The following LAMA3 variants were observed in gnomAD, a reference collection of about 807,000 sequenced individuals.
The protein encoded by LAMA3 is laminin subunit alpha-3.
Under a neutral mutation model 402.0 loss-of-function variants are expected in LAMA3, and 281 were observed. That is an observed-to-expected ratio of 0.70 (90% CI 0.63 to 0.77). The LOEUF (loss-of-function observed/expected upper bound fraction) is 0.77, where lower values mean the gene tolerates loss of function less well. Among genes scored for constraint, LAMA3 ranks in the 30% least tolerant of loss-of-function variants. The pLI, the probability that LAMA3 is intolerant of heterozygous loss-of-function variation, is 0.00. For missense variants in LAMA3, 3,840 were observed against 4,215.5 expected (o/e 0.91, Z 2.47); for synonymous variants, 1,431 against 1,558.4 (o/e 0.92, Z 1.93).
chr18:23,906,447 T>A (rs2081251870), intron 52 of LAMA3, among the ~76,000 whole-genome samples: 1 of 152,212 alleles, frequency 6.6e-6, no homozygotes, highest in Non-Finnish European at 1.5e-5. Context: ...CTTATTTTTT[T>A]AAATAATTAA....
intron 1 of LAMA3, among the ~76,000 whole-genome samples, chr18:23,702,710 C>T (rs2060813049): frequency 1.1e-5 from 1 of 95,156 alleles, no homozygotes; most frequent in East Asian, 2.0e-4. Flanking sequence ...CTGGCCAAGC[C>T]CAAATCTCTG....
chr18:23,815,200 A>G lies in LAMA3; in HGVS notation c.1901A>G (p.His634Arg), dbSNP rs186443546. Residue 634 changes from histidine to arginine, a missense_variant, in exon 16 of 75, where the codon CAT (histidine) becomes CGT (arginine). Physicochemically the swap from His to Arg is conservative, Grantham distance 29. Transcript: ENST00000313654. The stretch of plus-strand genomic sequence containing the variant: ...CTTATCTCCACAGAATGCAAGTGCC[A>G]TAAGGCGGGAACAGTGAGTGGAACT... ...NPSGCSECKC[H>R]KAGTVSGTGE... is the part of the protein sequence containing the mutation. 647 of 1,614,196 alleles carry G rather than the reference A, an allele frequency of 4.0e-4. 3 individuals carry two copies. The African/African-American group carries it at 7.5e-3, about 19-fold the overall frequency.
chr18:23,778,939 G>A (rs1229503560), intron 11 of LAMA3, among the ~76,000 whole-genome samples: 1 of 152,222 alleles, frequency 6.6e-6, no homozygotes, highest in Non-Finnish European at 1.5e-5. Flanking sequence ...CAGAGAGGAG[G>A]TTAGGGAATG....
At chr18:23,912,235 G>C (rs1560279) in intron 55 of LAMA3, among the ~76,000 whole-genome samples, 6,734 of 150,580 alleles carry the variant, frequency 0.045, 370 homozygotes, top group Admixed American at 0.16. Flanking sequence ...CTGAGCTCAA[G>C]TGATCCTCCC....
chr18:23,921,814 A>C (rs921255378), intron 62 of LAMA3, among the ~76,000 whole-genome samples: 1 of 152,224 alleles, frequency 6.6e-6, no homozygotes, highest in Non-Finnish European at 1.5e-5. Flanking sequence ...CGCCATTGTC[A>C]TTCTCGGGAG....
intron 2 of LAMA3, among the ~76,000 whole-genome samples, chr18:23,724,469 A>G (rs962292892): frequency 6.6e-6 from 1 of 152,018 alleles, no homozygotes; most frequent in African/African-American, 2.4e-5. Flanking sequence ...GATGCCCTCC[A>G]TGCCCTATCT....
chr18:23,689,527 C>A lies in LAMA3; in HGVS notation c.-157C>A. 1 of 670,652 alleles carries A rather than the reference C, an allele frequency of 1.5e-6. No homozygotes were observed. Among genetic ancestry groups the A allele is most frequent in the Non-Finnish European group, 2.1e-6 (1 of 481,592 alleles). 41.5% of individuals were successfully genotyped at this position (670,652 alleles called of 1,614,324 possible). A position where few individuals can be genotyped will look rare whatever the true frequency, so the allele number is the denominator to read the frequency against. On this transcript the variant is annotated 5_prime_UTR_variant, in exon 1 of 75. Transcript: ENST00000313654. ...TGAGAGGCCACCCCCACGCCGCGGGCTTCCAGCGCGTGGAGCAAGGGGAGC... is the reference window on the plus strand; with the variant it reads ...TGAGAGGCCACCCCCACGCCGCGGGATTCCAGCGCGTGGAGCAAGGGGAGC...
At chr18:23,700,879 G>A (rs1016380186) in intron 1 of LAMA3, among the ~76,000 whole-genome samples, 2 of 151,976 alleles carry the variant, frequency 1.3e-5, no homozygotes, top group African/African-American at 4.8e-5. Flanking sequence ...TGCAGTTTTT[G>A]TAGAGTTGGT....
chr18:23,771,678 C>T lies in LAMA3; in HGVS notation c.1183-1819C>T, dbSNP rs541962125. 3.3e-5 allele frequency among the ~76,000 whole-genome samples: 5 copies of T among 151,968 alleles called. No individual in the cohort carries two copies. The South Asian group carries it at 8.3e-4, about 25-fold the overall frequency. ...GATAGCTGCAATTTATTTTGAAATG[C>T]GTAAGAGATAAGATGAATTAGTGGA... On this transcript the variant is annotated intron_variant, in intron 8 of 74. Coordinates refer to ENST00000313654, the MANE Select transcript of LAMA3 (RefSeq NM_198129.4).
chr18:23,794,938 TAAATGTATG>T (rs1414500897), intron 12 of LAMA3, among the ~76,000 whole-genome samples: 2 of 152,250 alleles, frequency 1.3e-5, no homozygotes, highest in Non-Finnish European at 2.9e-5. Context: ...ACCATATCTT[TAAATGTATG>T]TTATAATTCT....
At chr18:23,858,668 T>G in intron 33 of LAMA3, 21 bp from the exon 34 acceptor site, 1 of 1,613,926 alleles carries the variant, frequency 6.2e-7, no homozygotes, top group African/African-American at 1.3e-5. Flanking sequence ...TGATCTCTTA[T>G]TTCATGTTTT....
Position 23,931,190 on chromosome 18 carries a change from C to G in LAMA3, c.8565C>G (p.Ser2855Arg). 1 of 1,612,290 alleles carries G rather than the reference C, an allele frequency of 6.2e-7. No homozygotes were observed. Among genetic ancestry groups the G allele is most frequent in the Non-Finnish European group, 8.5e-7 (1 of 1,178,352 alleles). ...TACTGCATTATGTATCTGTAATAAG[C>G]GACAACTCTGGGTGAGTGGAATAAT... ...DGLLHYVSVI[S>R]DNSGLRLLID... The change falls in exon 65 of 75, where the codon AGC becomes AGG. Residue 2855 changes from serine (S) to arginine (R), a missense_variant. This residue lies in a region of LAMA3 where 840 missense variants were observed against 981.9 expected (regional missense o/e 0.86). Coordinates refer to ENST00000313654, the MANE Select transcript of LAMA3 (RefSeq NM_198129.4).
At chr18:23,941,227 C>T (rs1409605404) in intron 68 of LAMA3, among the ~76,000 whole-genome samples, 10 of 152,026 alleles carry the variant, frequency 6.6e-5, no homozygotes, top group South Asian at 2.1e-4. Flanking sequence ...TGAGCCACCG[C>T]GCCCGGCCAA....
At chr18:23,925,251 G>A (rs1192028968) in intron 62 of LAMA3, among the ~76,000 whole-genome samples, 1 of 152,198 alleles carries the variant, frequency 6.6e-6, no homozygotes, top group South Asian at 2.1e-4. Context: ...TTTTGTGCAC[G>A]TTTTGTTTCT....
Position 23,822,730 on chromosome 18 carries a change from C to T in LAMA3, c.2428+355C>T, listed in dbSNP as rs561046922. 7.6e-4 allele frequency among the ~76,000 whole-genome samples: 116 copies of T among 152,312 alleles called. 1 individual carries two copies. The highest frequency in any genetic ancestry group is 1.3e-3 in the Non-Finnish European group (87 of 68,024). On this transcript the variant is annotated intron_variant, in intron 20 of 74. Coordinates refer to ENST00000313654, the MANE Select transcript of LAMA3 (RefSeq NM_198129.4). ...TGGTGTTATTTGAGAGATTTTGGCC[C>T]GCTGCCCTAAATTCTTCCATTGTTT...
In LAMA3 at chr18:23,881,972, C is replaced by T. The variant is rs200046741; in HGVS notation, c.5149C>T (p.Arg1717Cys). The T allele has an allele frequency of 1.4e-5, 22 of 1,614,032 alleles. No homozygotes were observed. Among genetic ancestry groups the T allele is most frequent in the Middle Eastern group, 1.6e-4 (1 of 6,062 alleles). Residue 1717 changes from arginine (R) to cysteine (C), a missense_variant, in exon 40 of 75, where the codon CGC (arginine) becomes TGC (cysteine). Physicochemically the swap from Arg to Cys is radical, Grantham distance 180. This residue lies in a region of LAMA3 where 2,109 missense variants were observed against 2,376.0 expected (regional missense o/e 0.89). Coordinates refer to ENST00000313654, the MANE Select transcript of LAMA3 (RefSeq NM_198129.4). ...CAACACCGCGGGAGAGCACTGTGAA[C>T]GCTGCCAGGAGGGCTACTATGGCAA... ...QHNTAGEHCE[R>C]CQEGYYGNAV... is the part of the protein sequence containing the mutation.
rs4800169 is a variant in LAMA3, at chr18:23,876,129, A to G, written c.4999-165A>G. 0.16 allele frequency among the ~76,000 whole-genome samples: 23,846 copies of G among 152,112 alleles called. 4,178 individuals are homozygous for G. Among genetic ancestry groups the G allele is most frequent in the African/African-American group, 0.42 (17,357 of 41,444 alleles). On this transcript the variant is annotated intron_variant, in intron 38 of 74. Transcript: ENST00000313654. ...GGAGCCCAAGACTCTAGTGGACTAT[A>G]AGCACACCTGTGAATAGTCACTACA...
At chr18:23,856,289 G>A (rs191339482) in intron 32 of LAMA3, among the ~76,000 whole-genome samples, 4 of 152,324 alleles carry the variant, frequency 2.6e-5, no homozygotes, top group Admixed American at 6.5e-5. Context: ...ATGAAGAGTC[G>A]TATTTAACTT....
At chr18:23,943,683 GA>G (rs2082604685) in intron 68 of LAMA3, 104 bp from the exon 69 acceptor site, 15 of 1,038,558 alleles carry the variant, frequency 1.4e-5, no homozygotes, top group Non-Finnish European at 2.3e-5. Flanking sequence ...TTATCCATTT[GA>G]AAAATGGGGG....
Sources: gnomAD v4.1 joint callset for allele counts (sites outside exome capture counted in the v4.1 genomes callset) on GRCh38, gnomAD v4.1.1 for gene constraint, gnomAD v4.1.1 regional missense constraint, MANE v1.5 for transcripts, NCBI Gene and HGNC (gene_info 2026-07-23, HGNC 2026-07-21) for gene names.